The following KCNMB2 variants were observed in gnomAD, a reference collection of about 807,000 sequenced individuals.
The protein encoded by KCNMB2 is calcium-activated potassium channel subunit beta-2.
In KCNMB2, 9 loss-of-function variants were observed where a neutral mutation model predicts 24.5. The ratio of observed to expected loss-of-function variants is 0.37; its 90% CI spans 0.22 to 0.64. KCNMB2 has a LOEUF of 0.64. Among genes scored for constraint, KCNMB2 ranks in the 30% least tolerant of loss-of-function variants. The probability of loss-of-function intolerance (pLI) is 0.63; values close to 1 mark genes in which losing one functional copy is unlikely to be tolerated. For synonymous variants in KCNMB2, 109 were observed against 104.4 expected (o/e 1.04, Z -0.27); for missense variants, 226 against 284.3 (o/e 0.79, Z 1.47).
chr3:178,598,039 C>CA lies in KCNMB2; in HGVS notation c.-68+61335dup, dbSNP rs963528234. 9.1e-5 allele frequency among the ~76,000 whole-genome samples: 13 copies of CA among 142,308 alleles called. No individual in the cohort carries two copies. In the East Asian group the frequency reaches 1.6e-3, roughly 18 times the overall value. The allele number at this position is 142,308 out of a possible 152,430, so 93.4% of individuals were successfully genotyped here. A position where few individuals can be genotyped will look rare whatever the true frequency, so the allele number is the denominator to read the frequency against. On this transcript the variant is annotated intron_variant, in intron 1 of 4. Transcript: ENST00000452583. ...ATAAAGAATTCAGGAAAATGCAGGACAAAAAAACAAAACAAAAAAAAAAAC... is the reference window on the plus strand; with the variant it reads ...ATAAAGAATTCAGGAAAATGCAGGACAAAAAAAACAAAACAAAAAAAAAAAC...
At chr3:178,821,274 T>C (rs1160446544) in intron 2 of KCNMB2, among the ~76,000 whole-genome samples, 1 of 152,180 alleles carries the variant, frequency 6.6e-6, no homozygotes, top group Admixed American at 6.5e-5. Flanking sequence ...CTTCCTAGTA[T>C]GGAAGAGGAT....
At chr3:178,776,508 C>T (rs951192580) in intron 1 of KCNMB2, among the ~76,000 whole-genome samples, 3 of 152,156 alleles carry the variant, frequency 2.0e-5, no homozygotes, top group Admixed American at 6.5e-5. Flanking sequence ...GAGTGGCTGA[C>T]TCCCTTGCTT....
intron 1 of KCNMB2, among the ~76,000 whole-genome samples, chr3:178,650,218 T>C (rs1216717019): frequency 1.3e-5 from 2 of 152,226 alleles, no homozygotes; most frequent in Non-Finnish European, 1.5e-5. Flanking sequence ...CTGTTTGTTA[T>C]GATTTCCATT....
intron 2 of KCNMB2, among the ~76,000 whole-genome samples, chr3:178,815,296 G>A (rs1238581719): frequency 2.6e-5 from 4 of 151,450 alleles, no homozygotes; most frequent in Admixed American, 6.6e-5. Context: ...GCACCACTAC[G>A]CCTGGCTAAT....
At chr3:178,693,059 C>G (rs532236328) in intron 1 of KCNMB2, among the ~76,000 whole-genome samples, 1 of 152,148 alleles carries the variant, frequency 6.6e-6, no homozygotes, top group African/African-American at 2.4e-5. Flanking sequence ...TTGACTGTTG[C>G]TGGTGTATAG....
At chr3:178,826,614 C>T (rs1714844678) in intron 3 of KCNMB2, among the ~76,000 whole-genome samples, 1 of 152,118 alleles carries the variant, frequency 6.6e-6, no homozygotes, top group South Asian at 2.1e-4. Context: ...CCTGATGTAT[C>T]GAATGAAGTC....
At chr3:178,758,255 TCTCC>T (rs1724271633) in intron 1 of KCNMB2, among the ~76,000 whole-genome samples, 1 of 31,658 alleles carries the variant, frequency 3.2e-5, no homozygotes, top group Non-Finnish European at 4.9e-5. Flanking sequence ...TATATATATA[TCTCC>T]AAGGGGATAT....
At chr3:178,603,864 A>G (rs975285053) in intron 1 of KCNMB2, among the ~76,000 whole-genome samples, 3 of 152,160 alleles carry the variant, frequency 2.0e-5, no homozygotes, top group Admixed American at 1.3e-4. Flanking sequence ...AGCAACCATG[A>G]AGGCTGGTAA....
At chr3:178,624,996 G>C (rs967210950) in intron 1 of KCNMB2, among the ~76,000 whole-genome samples, 1 of 152,196 alleles carries the variant, frequency 6.6e-6, no homozygotes, top group African/African-American at 2.4e-5. Flanking sequence ...AGGCTGCCCA[G>C]GGGAAGGGGT....
intron 1 of KCNMB2, among the ~76,000 whole-genome samples, chr3:178,677,344 T>C (rs188078144): frequency 1.1e-3 from 166 of 152,286 alleles, no homozygotes; most frequent in Non-Finnish European, 2.0e-3. Flanking sequence ...AATTTTAGAC[T>C]GTGAACAACC....
chr3:178,695,682 C>T (rs1721850542), intron 1 of KCNMB2, among the ~76,000 whole-genome samples: 1 of 152,142 alleles, frequency 6.6e-6, no homozygotes, highest in African/African-American at 2.4e-5. Context: ...CATCCGAGAC[C>T]ACCTCAGCCT....
intron 1 of KCNMB2, among the ~76,000 whole-genome samples, chr3:178,611,079 G>A (rs1048233507): frequency 3.3e-5 from 5 of 152,220 alleles, no homozygotes; most frequent in Admixed American, 3.3e-4. Flanking sequence ...TTCAATATTT[G>A]GTAGAATTCA....
Position 178,810,805 on chromosome 3 carries a change from G to A in KCNMB2, c.56+3340G>A, listed in dbSNP as rs571279902. On this transcript the variant is annotated intron_variant, in intron 2 of 4. Coordinates refer to ENST00000452583, the MANE Select transcript of KCNMB2 (RefSeq NM_181361.3). ...GCTGGAGTGCAGTGGTGCGATCTTG[G>A]CTCACTGCAACCTCCGCCTCCCGGG... is the stretch of plus-strand genomic sequence containing the variant. 5.9e-5 allele frequency among the ~76,000 whole-genome samples: 9 copies of A among 152,020 alleles called. No individual in the cohort carries two copies. The South Asian group carries it at 1.9e-3, about 32-fold the overall frequency.
intron 1 of KCNMB2, among the ~76,000 whole-genome samples, chr3:178,556,207 G>A (rs756606696): frequency 5.9e-5 from 9 of 152,190 alleles, no homozygotes; most frequent in Non-Finnish European, 1.2e-4. Flanking sequence ...ACATCCAGAT[G>A]AGGATATATC....
At chr3:178,561,790 G>A (rs1057475709) in intron 1 of KCNMB2, among the ~76,000 whole-genome samples, 2 of 152,144 alleles carry the variant, frequency 1.3e-5, no homozygotes, top group Non-Finnish European at 2.9e-5. Flanking sequence ...GCAAGGTGAA[G>A]GAAGAGTGAC....
In KCNMB2 at chr3:178,552,191, C is replaced by T. The variant is rs193211083; in HGVS notation, c.-68+15480C>T. Reference sequence around the variant, plus strand: ...AGACGCTGACCAAGGTTTACAGATACGATTCTAAATGTCGACTGTGGAAGA... The same window carrying T: ...AGACGCTGACCAAGGTTTACAGATATGATTCTAAATGTCGACTGTGGAAGA... On this transcript the variant is annotated intron_variant, in intron 1 of 4. Coordinates refer to ENST00000452583, the MANE Select transcript of KCNMB2 (RefSeq NM_181361.3). Among the ~76,000 whole-genome samples, 5 of 152,268 alleles carry T rather than the reference C, an allele frequency of 3.3e-5. No individual in the cohort carries two copies. In the South Asian group the frequency reaches 6.2e-4, roughly 19 times the overall value.
intron 1 of KCNMB2, among the ~76,000 whole-genome samples, chr3:178,630,548 T>C (rs936904746): frequency 7.9e-5 from 12 of 152,230 alleles, no homozygotes; most frequent in Admixed American, 7.2e-4. Context: ...GGGTCTGGAA[T>C]ATTACAAATT....
chr3:178,767,267 T>C (rs1443822968), intron 1 of KCNMB2, among the ~76,000 whole-genome samples: 1 of 152,158 alleles, frequency 6.6e-6, no homozygotes, highest in Non-Finnish European at 1.5e-5. Context: ...GATCTTGAAA[T>C]GCAATGTTGA....
At chr3:178,790,611 T>A (rs940984146) in intron 1 of KCNMB2, among the ~76,000 whole-genome samples, 1 of 152,186 alleles carries the variant, frequency 6.6e-6, no homozygotes. Context: ...TGAGTGAATA[T>A]CAGCAGTAGC....
Sources: gnomAD v4.1 joint callset for allele counts (sites outside exome capture counted in the v4.1 genomes callset) on GRCh38, gnomAD v4.1.1 for gene constraint, MANE v1.5 for transcripts, NCBI Gene and HGNC (gene_info 2026-07-23, HGNC 2026-07-21) for gene names.